The following SV2C variants were observed in gnomAD, a reference collection of about 807,000 sequenced individuals.
SV2C encodes synaptic vesicle glycoprotein 2C.
Under a neutral mutation model 79.7 loss-of-function variants are expected in SV2C, and 49 were observed. The ratio of observed to expected loss-of-function variants is 0.61; its 90% CI spans 0.49 to 0.78. SV2C has a LOEUF of 0.78. Ranked by LOEUF, SV2C falls within the 30% of genes least tolerant of loss-of-function variation. SV2C has a pLI of 0.00. For synonymous variants in SV2C, 334 were observed against 333.2 expected, an observed-to-expected ratio of 1.00 and a Z score of -0.03; for missense variants, 833 against 912.9, an observed-to-expected ratio of 0.91 and a Z score of 1.13.
At chr5:75,875,205 A>G in the SV2C span, among the ~76,000 whole-genome samples, 1 of 152,200 alleles carries the variant, frequency 6.6e-6, no homozygotes, top group Non-Finnish European at 1.5e-5. Context: ...AGTAATCAAA[A>G]CAGCACAGTA....
the SV2C span, among the ~76,000 whole-genome samples, chr5:75,879,759 G>A: frequency 6.6e-6 from 1 of 152,236 alleles, no homozygotes; most frequent in Non-Finnish European, 1.5e-5. Context: ...CAATGCCCCA[G>A]TGGGGACTCT....
At chr5:75,906,594 C>A in the SV2C span, among the ~76,000 whole-genome samples, 43 of 152,128 alleles carry the variant, frequency 2.8e-4, no homozygotes, top group Admixed American at 1.3e-4. Context: ...AGTAACCCCC[C>A]AAAATCAAAT....
chr5:76,037,358 T>C, the SV2C span, among the ~76,000 whole-genome samples: 9 of 152,256 alleles, frequency 5.9e-5, no homozygotes, highest in African/African-American at 2.2e-4. Flanking sequence ...GCTCTGTTTT[T>C]TTCCCCATCT....
At chr5:76,167,692 A>G (rs1743085018) in intron 2 of SV2C, among the ~76,000 whole-genome samples, 1 of 152,192 alleles carries the variant, frequency 6.6e-6, no homozygotes, top group Non-Finnish European at 1.5e-5. Context: ...CATTTGTCCA[A>G]GGTCATATGG....
At chr5:75,869,147 T>C in the SV2C span, among the ~76,000 whole-genome samples, 34,206 of 151,122 alleles carry the variant, frequency 0.23, 5,457 homozygotes, top group African/African-American at 0.46. Flanking sequence ...ACCAGCTAGG[T>C]TCTTGGGGTC....
intron 2 of SV2C, among the ~76,000 whole-genome samples, chr5:76,135,417 T>A (rs1378190068): frequency 1.3e-5 from 2 of 152,012 alleles, no homozygotes; most frequent in African/African-American, 4.8e-5. Flanking sequence ...TGAATACTAT[T>A]TATGGGGCTG....
chr5:76,071,297 G>A, the SV2C span, among the ~76,000 whole-genome samples: 2 of 152,150 alleles, frequency 1.3e-5, no homozygotes, highest in African/African-American at 2.4e-5. Flanking sequence ...AAAGTATGTG[G>A]AGAAGACGCA....
chr5:76,176,139 A>C (rs552854280), intron 2 of SV2C, among the ~76,000 whole-genome samples: 67 of 152,252 alleles, frequency 4.4e-4, no homozygotes, highest in African/African-American at 1.6e-3. Flanking sequence ...ACACACAGGG[A>C]GCCAAAGTTT....
the SV2C span, among the ~76,000 whole-genome samples, chr5:75,886,756 G>A: frequency 8.6e-3 from 1,310 of 152,172 alleles, 25 homozygotes; most frequent in African/African-American, 0.03. Context: ...GTCGAGGGGC[G>A]GTGGGGTGGT....
At chr5:75,897,689 C>T in the SV2C span, among the ~76,000 whole-genome samples, 3 of 152,390 alleles carry the variant, frequency 2.0e-5, no homozygotes, top group East Asian at 3.9e-4. Flanking sequence ...ATTGATTCTT[C>T]CTACCCATGA....
chr5:76,140,806 C>A (rs1267941197), intron 2 of SV2C, among the ~76,000 whole-genome samples: 1 of 152,132 alleles, frequency 6.6e-6, no homozygotes, highest in Non-Finnish European at 1.5e-5. Context: ...CAGCTCTATA[C>A]CCTGCTTGAT....
intron 12 of SV2C, chr5:76,353,075 G>C (rs1749672309): frequency 2.2e-6 from 1 of 452,230 alleles, no homozygotes. Context: ...CCAGAAGCTA[G>C]GACTACAGGT....
At chr5:75,972,497 C>A in the SV2C span, among the ~76,000 whole-genome samples, 1 of 152,124 alleles carries the variant, frequency 6.6e-6, no homozygotes, top group Non-Finnish European at 1.5e-5. Flanking sequence ...AACAAACAAC[C>A]CCATCAAAAA....
intron 1 of SV2C, chr5:76,091,788 A>G (rs1747386449): frequency 6.6e-6 from 1 of 151,962 alleles, no homozygotes; most frequent in Non-Finnish European, 1.5e-5. Flanking sequence ...TTCCAAGTTG[A>G]GATAAAATCC....
intron 12 of SV2C, among the ~76,000 whole-genome samples, chr5:76,343,997 G>T (rs1246568238): frequency 6.7e-6 from 1 of 149,322 alleles, no homozygotes; most frequent in Admixed American, 6.8e-5. Flanking sequence ...CTCTAGCCTG[G>T]GCAACAAAGC....
At chr5:76,201,304 G>C (rs369789550) in intron 3 of SV2C, among the ~76,000 whole-genome samples, 1 of 152,130 alleles carries the variant, frequency 6.6e-6, no homozygotes, top group East Asian at 1.9e-4. Context: ...ATTTGACCCA[G>C]AATTAAATTA....
At chr5:76,174,315 C>G (rs1189594768) in intron 2 of SV2C, 3 of 831,368 alleles carry the variant, frequency 3.6e-6, no homozygotes, top group Non-Finnish European at 5.8e-6. Flanking sequence ...GCTGCCGCGC[C>G]GCTCCGGCTG....
intron 4 of SV2C, among the ~76,000 whole-genome samples, chr5:76,246,893 T>C (rs973302730): frequency 6.6e-6 from 1 of 152,156 alleles, no homozygotes; most frequent in Admixed American, 6.5e-5. Context: ...GTGAAAAGAA[T>C]CTGGGGCCTA....
the SV2C span, among the ~76,000 whole-genome samples, chr5:75,971,947 A>C: frequency 6.6e-6 from 1 of 152,142 alleles, no homozygotes; most frequent in Non-Finnish European, 1.5e-5. Context: ...TACAGTAACC[A>C]AAACAGCATG....
Sources: gnomAD v4.1 joint callset for allele counts (sites outside exome capture counted in the v4.1 genomes callset) on GRCh38, gnomAD v4.1.1 for gene constraint, MANE v1.5 for transcripts, NCBI Gene and HGNC (gene_info 2026-07-23, HGNC 2026-07-21) for gene names.